Variants in CHRNA6 observed in about 807,000 individuals in gnomAD.
The protein encoded by CHRNA6 is neuronal acetylcholine receptor subunit alpha-6.
In CHRNA6, 31 loss-of-function variants were observed where a neutral mutation model predicts 40.9. The observed-to-expected ratio is 0.76, with a 90% CI of 0.57 to 1.02. The LOEUF (loss-of-function observed/expected upper bound fraction) is 1.02, where lower values mean the gene tolerates loss of function less well. CHRNA6 is among the 50% of genes least tolerant of loss of function. CHRNA6 has a pLI of 0.00. For synonymous variants in CHRNA6, 222 were observed against 221.3 expected (o/e 1.00, Z -0.03); for missense variants, 546 against 596.6 (o/e 0.92, Z 0.88).
intron 2 of CHRNA6, among the ~76,000 whole-genome samples, chr8:42,760,268 CACACACATTCAT>C (rs1231913551): frequency 1.3e-5 from 2 of 151,978 alleles, no homozygotes; most frequent in South Asian, 2.1e-4. Context: ...CACACTCATG[CACACACATTCAT>C]ACACACATGC....
intron 2 of CHRNA6, among the ~76,000 whole-genome samples, chr8:42,764,619 G>A (rs907378534): frequency 5.3e-5 from 8 of 152,116 alleles, no homozygotes; most frequent in Admixed American, 6.5e-5. Flanking sequence ...GAGCCACCAC[G>A]CCCGGCCTTA....
chr8:42,756,824 A>G lies in CHRNA6; in HGVS notation c.375T>C (p.Asn125=). Residue 125 remains asparagine (N), a splice_region_variant and synonymous_variant, in exon 5 of 6, where the codon AAT becomes AAC. Coordinates refer to ENST00000276410, the MANE Select transcript of CHRNA6 (RefSeq NM_004198.3). ...IWKPDIVLYN[N]AVGDFQVEGK... The stretch of plus-strand genomic sequence containing the variant: ...CTTCTACTTGGAAGTCACCAACAGC[A>G]CTGCAAAGCAAGTCAGACACCATTA... The G allele has an allele frequency of 6.2e-7, 1 of 1,606,754 alleles. No homozygotes were observed. Among genetic ancestry groups the G allele is most frequent in the Non-Finnish European group, 8.5e-7 (1 of 1,177,380 alleles).
chr8:42,757,083 G>A (rs139798976), intron 3 of CHRNA6, 46 bp from the exon 4 acceptor site: 16 of 1,457,926 alleles, frequency 1.1e-5, no homozygotes, highest in East Asian at 2.3e-5. Flanking sequence ...AATAACTTTC[G>A]GGCCAGGCAT....
intron 1 of CHRNA6, among the ~76,000 whole-genome samples, chr8:42,766,264 G>A (rs1445500063): frequency 3.9e-5 from 6 of 152,062 alleles, no homozygotes; most frequent in South Asian, 4.1e-4. Context: ...AGGCTGAGGC[G>A]GTTGGATCAC....
In CHRNA6 at chr8:42,765,151, A is replaced by G. The variant is rs1246033398; in HGVS notation, c.133T>C (p.Tyr45His). Reference protein sequence around the residue: ...ERLFHKLFSHYNQFIRPVENV... With the variant: ...ERLFHKLFSHHNQFIRPVENV... The stretch of plus-strand genomic sequence containing the variant: ...TCCACAGGCCTGATGAACTGGTTGT[A>G]ATGAGAAAACAGTTTGTGGAAGAGC... The change falls in exon 2 of 6, where the codon TAC becomes CAC. Residue 45 changes from tyrosine (Y) to histidine (H), a missense_variant. Physicochemically the swap from Tyr to His is moderately conservative, Grantham distance 83. Coordinates refer to ENST00000276410, the MANE Select transcript of CHRNA6 (RefSeq NM_004198.3). 1.2e-6 allele frequency: 2 copies of G among 1,613,988 alleles called. No individual in the cohort carries two copies. Among genetic ancestry groups the G allele is most frequent in the African/African-American group, 2.7e-5 (2 of 74,942 alleles).
chr8:42,767,603 C>T (rs773460460), intron 1 of CHRNA6, among the ~76,000 whole-genome samples: 2 of 152,110 alleles, frequency 1.3e-5, no homozygotes, highest in African/African-American at 4.8e-5. Context: ...AGTTGCCTGA[C>T]GAATACCTTA....
At chr8:42,765,839 G>C (rs1816969348) in intron 1 of CHRNA6, among the ~76,000 whole-genome samples, 1 of 152,190 alleles carries the variant, frequency 6.6e-6, no homozygotes, top group African/African-American at 2.4e-5. Context: ...CTGATCATTA[G>C]AGAAACGCAA....
chr8:42,768,393 C>T lies in CHRNA6; in HGVS notation c.38G>A (p.Gly13Asp). 1.9e-6 allele frequency: 3 copies of T among 1,614,020 alleles called. No homozygotes were observed. The highest frequency in any genetic ancestry group is 1.7e-6 in the Non-Finnish European group (2 of 1,179,900). The change falls in exon 1 of 6, where the codon GGC (glycine) becomes GAC (aspartate). Residue 13 changes from glycine to aspartate, a missense_variant. Around this residue, in one of 3 missense-constraint regions of CHRNA6, gnomAD observed 476 missense variants for 494.5 expected, o/e 0.96. Coordinates refer to ENST00000276410, the MANE Select transcript of CHRNA6 (RefSeq NM_004198.3). ...GAACACACACAGCCAGAGACACAAG[C>T]CCCCATGAAGGAATCCCTGCCCCTT... ...TSKGQGFLHG[G>D]LCLWLCVFTP...
In CHRNA6 at chr8:42,755,925, T is replaced by C. The variant is rs554811242; in HGVS notation, c.1274A>G (p.His425Arg). The C allele has an allele frequency of 1.2e-6, 2 of 1,614,218 alleles. No individual in the cohort carries two copies. The highest frequency in any genetic ancestry group is 1.7e-5 in the Admixed American group (1 of 60,020). ...AATCACATCTTCAACTTCAGGCGAG[T>C]GCTCCGAATTTTCCACCACCCACTG... ...PLQWVVENSE[H>R]SPEVEDVINS... The change falls in exon 5 of 6, where the codon CAC (histidine) becomes CGC (arginine). Residue 425 changes from histidine (H) to arginine (R), a missense_variant. Coordinates refer to ENST00000276410, the MANE Select transcript of CHRNA6 (RefSeq NM_004198.3).
At position 42,765,283 on chromosome 8, in the gene CHRNA6, G is replaced by T. The variant is rs1816961647; in HGVS notation, c.80-79C>A. 5.3e-6 allele frequency: 8 copies of T among 1,502,618 alleles called. No homozygotes were observed. In the East Asian group the frequency reaches 1.8e-4, roughly 34 times the overall value. 93.1% of individuals were successfully genotyped at this position (1,502,618 alleles called of 1,614,324 possible). Reference sequence around the variant, plus strand: ...CAGCGATTCTAGGCAATTCTTCCCGGGCCCTGTGGGGAGCGAATGTCCCAG... The same window carrying T: ...CAGCGATTCTAGGCAATTCTTCCCGTGCCCTGTGGGGAGCGAATGTCCCAG... On this transcript the variant is annotated intron_variant, in intron 1 of 5. Transcript: ENST00000276410.
intron 3 of CHRNA6, among the ~76,000 whole-genome samples, chr8:42,757,363 A>AG (rs1308647840): frequency 6.6e-6 from 1 of 151,558 alleles, no homozygotes; most frequent in East Asian, 1.9e-4. Context: ...CTGGAAAAAA[A>AG]AAATGTGTTT....
intron 5 of CHRNA6, among the ~76,000 whole-genome samples, chr8:42,754,464 A>C (rs1816763280): frequency 6.6e-6 from 1 of 152,140 alleles, no homozygotes; most frequent in Non-Finnish European, 1.5e-5. Flanking sequence ...ATGTGCCACC[A>C]TGCCCTACTA....
intron 3 of CHRNA6, among the ~76,000 whole-genome samples, chr8:42,757,299 G>C (rs562921928): frequency 6.6e-6 from 1 of 152,010 alleles, no homozygotes; most frequent in Non-Finnish European, 1.5e-5. Flanking sequence ...GTGGGGGGCA[G>C]AGTTTGCAGT....
At position 42,753,428 on chromosome 8, in the gene CHRNA6, G is replaced by A. The variant is rs1816751253; in HGVS notation, c.1354-118C>T. 3.2e-6 allele frequency: 3 copies of A among 949,000 alleles called. No individual in the cohort carries two copies. In the South Asian group the frequency reaches 4.4e-5, roughly 14 times the overall value. 58.8% of individuals were successfully genotyped at this position (949,000 alleles called of 1,614,324 possible). ...GAAGATTTCTCCGGCACGTTTTAAAGCAAATATCAGCTGGGTGGGAGGATC... is the reference window on the plus strand; with the variant it reads ...GAAGATTTCTCCGGCACGTTTTAAAACAAATATCAGCTGGGTGGGAGGATC... On this transcript the variant is annotated intron_variant, in intron 5 of 5. Coordinates refer to ENST00000276410, the MANE Select transcript of CHRNA6 (RefSeq NM_004198.3).
intron 2 of CHRNA6, among the ~76,000 whole-genome samples, chr8:42,759,965 C>T (rs895661484): frequency 1.3e-5 from 2 of 151,828 alleles, no homozygotes; most frequent in African/African-American, 4.8e-5. Flanking sequence ...TACTCACCCC[C>T]AGCGAAGCCA....
chr8:42,761,897 C>A (rs1816910653), intron 2 of CHRNA6, among the ~76,000 whole-genome samples: 1 of 152,192 alleles, frequency 6.6e-6, no homozygotes, highest in Admixed American at 6.5e-5. Context: ...AGACTCGGAT[C>A]AAAAAGACCA....
In CHRNA6 at chr8:42,756,902, A is replaced by C. The variant is rs201262910; in HGVS notation, c.374+26T>G. ...ATACACCAACAGCAGCTTTGGAAAG[A>C]GGCTACGGTGGTCAGAGACCCATAC... is the stretch of plus-strand genomic sequence containing the variant. On this transcript the variant is annotated intron_variant, in intron 4 of 5. Transcript: ENST00000276410. 7 of 1,610,336 alleles carry C rather than the reference A, an allele frequency of 4.3e-6. No individual in the cohort carries two copies. In the African/African-American group the frequency reaches 9.3e-5, roughly 21 times the overall value.
At chr8:42,764,954 A>G in intron 2 of CHRNA6, 111 bp downstream of exon 2, 1 of 1,204,710 alleles carries the variant, frequency 8.3e-7, no homozygotes, top group Admixed American at 2.2e-5. Context: ...ATGGCTTTGA[A>G]GGGCCAGATC....
At chr8:42,755,440 C>A (rs1816783292) in intron 5 of CHRNA6, among the ~76,000 whole-genome samples, 1 of 152,086 alleles carries the variant, frequency 6.6e-6, no homozygotes, top group South Asian at 2.1e-4. Flanking sequence ...CTATGCCTGG[C>A]TAATTTTTGT....
Sources: gnomAD v4.1 joint callset for allele counts (sites outside exome capture counted in the v4.1 genomes callset) on GRCh38, gnomAD v4.1.1 for gene constraint, gnomAD v4.1.1 regional missense constraint, MANE v1.5 for transcripts, NCBI Gene and HGNC (gene_info 2026-07-23, HGNC 2026-07-21) for gene names.